Variants in DAB1 observed in about 807,000 individuals in gnomAD.
DAB1 encodes DAB adaptor protein 1.
Under a neutral mutation model 64.6 loss-of-function variants are expected in DAB1, and 15 were observed. The observed-to-expected ratio is 0.23, with a 90% CI of 0.16 to 0.36. The LOEUF (loss-of-function observed/expected upper bound fraction) is 0.36. Among genes scored for constraint, DAB1 ranks in the 10% least tolerant of loss-of-function variants. DAB1 has a pLI of 1.00. For missense variants in DAB1, 596 were observed against 706.7 expected (o/e 0.84, Z 1.78); for synonymous variants, 235 against 251.9 (o/e 0.93, Z 0.64).
chr1:57,054,638 C>G (rs553811808), intron 9 of DAB1, among the ~76,000 whole-genome samples: 1 of 151,932 alleles, frequency 6.6e-6, no homozygotes, highest in African/African-American at 2.4e-5. Context: ...CCACCACGCC[C>G]GGCTAATTTT....
Position 58,045,561 on chromosome 1 carries a change from C to A in DAB1, n.387+104950G>T, listed in dbSNP as rs116538630. Among the ~76,000 whole-genome samples the A allele has an allele frequency of 3.4e-3, 511 of 152,296 alleles. 1 individual carries two copies. Among genetic ancestry groups the A allele is most frequent in the African/African-American group, 0.011 (465 of 41,560 alleles). Reference sequence around the variant, plus strand: ...GGGGAACTTCTGAGAGCCAAGCCTTCGACAGTAGATGAATTCCTAACCTGC... The same window carrying A: ...GGGGAACTTCTGAGAGCCAAGCCTTAGACAGTAGATGAATTCCTAACCTGC... On this transcript the variant is annotated intron_variant and non_coding_transcript_variant, in intron 5 of 20. Coordinates refer to the DAB1 transcript ENST00000485760.
At chr1:57,882,118 G>A (rs959118086) in intron 1 of DAB1, among the ~76,000 whole-genome samples, 10 of 152,158 alleles carry the variant, frequency 6.6e-5, no homozygotes, top group Non-Finnish European at 1.2e-4. Context: ...ACAAAGAATA[G>A]GAAGACCCAG....
intron 4 of DAB1, among the ~76,000 whole-genome samples, chr1:58,235,694 C>T (rs1241921413): frequency 6.6e-6 from 1 of 152,188 alleles, no homozygotes; most frequent in African/African-American, 2.4e-5. Flanking sequence ...TGAGATGACC[C>T]ACATCTGGCA....
At position 58,527,403 on chromosome 1, in the gene DAB1, A is replaced by C. The variant is rs1372595484; in HGVS notation, n.33-68T>G. The stretch of plus-strand genomic sequence containing the variant: ...TCACGAAAAAAGGAGTAACACAGAG[A>C]GATTTTTAAAAAACAGTTTCATGGA... On this transcript the variant is annotated intron_variant and non_coding_transcript_variant, in intron 1 of 20. Coordinates refer to the DAB1 transcript ENST00000485760. The C allele has an allele frequency of 5.0e-6, 4 of 797,082 alleles. No individual in the cohort carries two copies. The East Asian group carries it at 9.8e-5, about 20-fold the overall frequency. 49.4% of individuals were successfully genotyped at this position (797,082 alleles called of 1,614,324 possible).
chr1:56,998,853 G>T (rs978508940), intron 14 of DAB1, among the ~76,000 whole-genome samples: 3 of 152,098 alleles, frequency 2.0e-5, no homozygotes, highest in Non-Finnish European at 2.9e-5. Flanking sequence ...CAGCAAACCT[G>T]CAATCCACAC....
At chr1:58,059,544 T>G (rs1414441647) in intron 5 of DAB1, among the ~76,000 whole-genome samples, 1 of 152,232 alleles carries the variant, frequency 6.6e-6, no homozygotes, top group Non-Finnish European at 1.5e-5. Context: ...TTTTTATTTA[T>G]GCACATATCT....
chr1:58,148,556 C>T (rs1654739832), intron 5 of DAB1, among the ~76,000 whole-genome samples: 1 of 152,134 alleles, frequency 6.6e-6, no homozygotes, highest in Non-Finnish European at 1.5e-5. Context: ...CTAATAAAGA[C>T]ATACCTGAGA....
At chr1:57,723,571 G>T (rs1436872679) in intron 6 of DAB1, among the ~76,000 whole-genome samples, 1 of 152,162 alleles carries the variant, frequency 6.6e-6, no homozygotes, top group Admixed American at 6.5e-5. Context: ...ACAATCACTG[G>T]GAATTCTCTG....
At chr1:57,453,180 T>C (rs1356348798) in intron 7 of DAB1, among the ~76,000 whole-genome samples, 1 of 152,170 alleles carries the variant, frequency 6.6e-6, no homozygotes, top group African/African-American at 2.4e-5. Flanking sequence ...ATATTTATCA[T>C]CATTTTACAG....
intron 1 of DAB1, among the ~76,000 whole-genome samples, chr1:57,321,519 CTT>C (rs1398324175): frequency 6.6e-5 from 10 of 152,086 alleles, no homozygotes; most frequent in Non-Finnish European, 1.3e-4. Context: ...CTCTATCAGA[CTT>C]TTTATACATG....
intron 6 of DAB1, among the ~76,000 whole-genome samples, chr1:57,781,126 C>CTCTCTCTA (rs1557477160): frequency 1.1e-4 from 3 of 27,726 alleles, no homozygotes; most frequent in Non-Finnish European, 1.9e-4. Flanking sequence ...CTCTCTCTCT[C>CTCTCTCTA]TATATATATA....
intron 5 of DAB1, among the ~76,000 whole-genome samples, chr1:58,083,755 T>C (rs980889279): frequency 3.3e-5 from 5 of 152,034 alleles, no homozygotes; most frequent in Admixed American, 6.6e-5. Flanking sequence ...GACACACAAA[T>C]ACAAAATACA....
At chr1:57,479,509 T>A (rs996466185) in intron 7 of DAB1, among the ~76,000 whole-genome samples, 3 of 151,348 alleles carry the variant, frequency 2.0e-5, no homozygotes, top group Non-Finnish European at 4.4e-5. Flanking sequence ...ATGCAGCATA[T>A]CATAGTACCC....
intron 6 of DAB1, among the ~76,000 whole-genome samples, chr1:57,772,587 T>A (rs1056902480): frequency 1.3e-5 from 2 of 152,140 alleles, no homozygotes; most frequent in African/African-American, 4.8e-5. Context: ...TTTAACTTTA[T>A]AAGAAATTGG....
intron 4 of DAB1, among the ~76,000 whole-genome samples, chr1:57,127,865 T>A (rs1450600852): frequency 6.6e-6 from 1 of 152,152 alleles, no homozygotes; most frequent in African/African-American, 2.4e-5. Context: ...ATACAACTCC[T>A]GTCCGGGCGT....
intron 8 of DAB1, 73 bp downstream of exon 8, chr1:57,069,287 T>C (rs1324227777): frequency 1.6e-6 from 2 of 1,270,554 alleles, no homozygotes; most frequent in Non-Finnish European, 2.3e-6. Context: ...AACCCTTGGT[T>C]CTTTAGACTA....
intron 1 of DAB1, among the ~76,000 whole-genome samples, chr1:57,325,012 A>G (rs1478711524): frequency 6.6e-6 from 1 of 152,210 alleles, no homozygotes. Flanking sequence ...TGCTCAAGTA[A>G]TGTTTGTTTT....
At chr1:57,525,443 G>GA (rs11389551) in intron 7 of DAB1, among the ~76,000 whole-genome samples, 105,954 of 151,744 alleles carry the variant, frequency 0.7, 37,203 homozygotes, top group South Asian at 0.79. Flanking sequence ...TAAGGAAATT[G>GA]AAAAAAAGGA....
intron 1 of DAB1, among the ~76,000 whole-genome samples, chr1:57,317,723 G>T (rs1370972714): frequency 2.0e-5 from 3 of 152,174 alleles, no homozygotes; most frequent in Non-Finnish European, 2.9e-5. Flanking sequence ...GATCTATTGA[G>T]TCAAAATCTG....
Sources: gnomAD v4.1 joint callset for allele counts (sites outside exome capture counted in the v4.1 genomes callset) on GRCh38, gnomAD v4.1.1 for gene constraint, MANE v1.5 for transcripts, NCBI Gene and HGNC (gene_info 2026-07-23, HGNC 2026-07-21) for gene names.